Variants in ERMP1 observed in about 807,000 individuals in gnomAD.
ERMP1 encodes endoplasmic reticulum metallopeptidase 1, also known as Felix-ina.
In ERMP1, 86 loss-of-function variants were observed where a neutral mutation model predicts 92.0. The observed-to-expected ratio is 0.93, with a 90% CI of 0.79 to 1.12. The LOEUF (loss-of-function observed/expected upper bound fraction) is 1.12. ERMP1 is among the 50% of genes most tolerant of loss of function. The pLI, the probability that ERMP1 is intolerant of heterozygous loss-of-function variation, is 0.00. For synonymous variants in ERMP1, 530 were observed against 412.8 expected (o/e 1.28, Z -3.44); for missense variants, 1,342 against 1,116.3 (o/e 1.20, Z -2.88).
chr9:5,828,580 C>T (rs1209696838), intron 2 of ERMP1, among the ~76,000 whole-genome samples: 3 of 152,180 alleles, frequency 2.0e-5, no homozygotes, highest in African/African-American at 4.8e-5. Flanking sequence ...TCCTTTGTCA[C>T]TTCTCTAAAA....
At chr9:5,791,003 A>G (rs1188585701) in intron 13 of ERMP1, among the ~76,000 whole-genome samples, 1 of 152,212 alleles carries the variant, frequency 6.6e-6, no homozygotes, top group Non-Finnish European at 1.5e-5. Context: ...AAAATAAAGT[A>G]GGCAAGGGGA....
At chr9:5,804,247 A>G (rs964841081) in intron 10 of ERMP1, among the ~76,000 whole-genome samples, 1 of 152,136 alleles carries the variant, frequency 6.6e-6, no homozygotes, top group African/African-American at 2.4e-5. Context: ...ACCAAAAGAG[A>G]CCTGCATTCT....
intron 8 of ERMP1, among the ~76,000 whole-genome samples, chr9:5,809,309 C>G (rs1048212345): frequency 6.6e-6 from 1 of 152,168 alleles, no homozygotes; most frequent in African/African-American, 2.4e-5. Context: ...CGTGAGCCAC[C>G]GCGCCCGGCC....
chr9:5,835,667 G>C (rs572103221), upstream of ERMP1, among the ~76,000 whole-genome samples: 8 of 152,288 alleles, frequency 5.3e-5, no homozygotes, highest in Non-Finnish European at 7.4e-5. Flanking sequence ...AGGTGGGTAG[G>C]AGCCAGTGCA....
intron 13 of ERMP1, among the ~76,000 whole-genome samples, chr9:5,791,080 A>C (rs1828173881): frequency 6.6e-6 from 1 of 152,226 alleles, no homozygotes; most frequent in South Asian, 2.1e-4. Flanking sequence ...GGGGAAGAGT[A>C]CTCAGAAAAA....
chr9:5,838,792 A>G (rs568534193), intron 6 of ERMP1, among the ~76,000 whole-genome samples: 1 of 152,126 alleles, frequency 6.6e-6, no homozygotes, highest in Non-Finnish European at 1.5e-5. Context: ...CATTATAAAT[A>G]TTAAGAGAAA....
chr9:5,787,389 G>C (rs1827987841), intron 14 of ERMP1, 41 bp downstream of exon 14: 2 of 1,607,064 alleles, frequency 1.2e-6, no homozygotes, highest in Non-Finnish European at 1.7e-6. Context: ...TACCACCTGG[G>C]AACCTAATCA....
Position 5,833,099 on chromosome 9 carries a change from C to T in ERMP1, c.-72G>A. The T allele has an allele frequency of 7.6e-7, 1 of 1,318,486 alleles. No individual in the cohort carries two copies. Among genetic ancestry groups the T allele is most frequent in the East Asian group, 3.0e-5 (1 of 33,022 alleles). The allele number at this position is 1,318,486 out of a possible 1,614,324, so 81.7% of individuals were successfully genotyped here. A position where few individuals can be genotyped will look rare whatever the true frequency, so the allele number is the denominator to read the frequency against. ...CCCCGGCCGCCGCCGACGCCGCCGT[C>T]GCTGCCGCAGCGCCTCCTAGTGAGC... On this transcript the variant is annotated 5_prime_UTR_variant, in exon 1 of 15. Transcript: ENST00000339450.
chr9:5,861,013 T>C (rs1438067611), intron 5 of ERMP1, among the ~76,000 whole-genome samples: 1 of 152,194 alleles, frequency 6.6e-6, no homozygotes, highest in Admixed American at 6.5e-5. Context: ...TCCAGTACTA[T>C]GAGCCCATAC....
At chr9:5,831,071 T>G (rs2129692197) in intron 1 of ERMP1, 43 bp from the exon 2 acceptor site, 1 of 1,541,686 alleles carries the variant, frequency 6.5e-7, no homozygotes, top group East Asian at 2.3e-5. Flanking sequence ...TAGTTAAAAT[T>G]GACACTTAGC....
intron 13 of ERMP1, among the ~76,000 whole-genome samples, chr9:5,796,952 A>G (rs1828449410): frequency 6.6e-6 from 1 of 152,180 alleles, no homozygotes; most frequent in Admixed American, 6.5e-5. Context: ...AATGCAAGAC[A>G]TTAATAGAGG....
intron 5 of ERMP1, among the ~76,000 whole-genome samples, chr9:5,861,609 G>C (rs1830496508): frequency 6.6e-6 from 1 of 151,906 alleles, no homozygotes; most frequent in South Asian, 2.1e-4. Flanking sequence ...CTGGAAACCT[G>C]GCAAGAGACG....
chr9:5,836,138 T>G (rs780606589), upstream of ERMP1, among the ~76,000 whole-genome samples: 2 of 152,204 alleles, frequency 1.3e-5, no homozygotes, highest in Non-Finnish European at 2.9e-5. Context: ...TTGCCATCTT[T>G]TCAGTATTTC....
rs59171582 is a variant in ERMP1 at position 5,838,530 on chromosome 9, CA to C, written n.3200-5219del. The stretch of plus-strand genomic sequence containing the variant: ...TGGGCGACAGGGCAAAACCCTGTAT[CA>C]AAAAAAAAAAAGAAGAAGAAGAAGA... On this transcript the variant is annotated intron_variant and non_coding_transcript_variant, in intron 6 of 6. Transcript: ENST00000690753. Among the ~76,000 whole-genome samples the C allele has an allele frequency of 5.7e-3, 790 of 137,916 alleles. 5 individuals carry two copies. Among genetic ancestry groups the C allele is most frequent in the African/African-American group, 0.018 (650 of 35,462 alleles). The allele number at this position is 137,916 out of a possible 152,430, so 90.5% of individuals were successfully genotyped here.
chr9:5,862,974 T>C lies in ERMP1; in HGVS notation n.3056-3363A>G, dbSNP rs144929215. Among the ~76,000 whole-genome samples, 11 of 152,364 alleles carry C rather than the reference T, an allele frequency of 7.2e-5. No homozygotes were observed. The East Asian group carries it at 1.9e-3, about 27-fold the overall frequency. On this transcript the variant is annotated intron_variant and non_coding_transcript_variant, in intron 5 of 6. Coordinates refer to the ERMP1 transcript ENST00000690753. The stretch of plus-strand genomic sequence containing the variant: ...AGATTTATGTGCAAGAGGAAGAGAC[T>C]AAAACATCTGTTTGTGGTAGTGCAA...
intron 5 of ERMP1, among the ~76,000 whole-genome samples, chr9:5,866,974 G>C (rs1380182749): frequency 6.6e-6 from 1 of 152,172 alleles, no homozygotes; most frequent in Admixed American, 6.5e-5. Flanking sequence ...GGGAGGCTGA[G>C]GCAGAAGGAT....
At chr9:5,834,703 ATGTG>A (rs766269385), upstream of ERMP1, among the ~76,000 whole-genome samples, 2,233 of 122,978 alleles carry the variant, frequency 0.018, 41 homozygotes, top group African/African-American at 0.06. Context: ...GTATGTATAT[ATGTG>A]TGTGTGTGTG....
chr9:5,811,183 T>C lies in ERMP1; in HGVS notation c.1255A>G (p.Ile419Val), dbSNP rs149390224. The C allele has an allele frequency of 2.1e-4, 341 of 1,614,082 alleles. No individual in the cohort carries two copies. Among genetic ancestry groups the C allele is most frequent in the Admixed American group, 6.8e-4 (41 of 60,024 alleles). ...VIAYPSRIGS[I>V]INYMVVMGVV... ...CCCATTACCACCATGTAGTTTATGATTGAGCCAATACGAGAGGGGTAGGCA... is the reference window on the plus strand; with the variant it reads ...CCCATTACCACCATGTAGTTTATGACTGAGCCAATACGAGAGGGGTAGGCA... The change falls in exon 7 of 15, where the codon ATC becomes GTC. Residue 419 changes from isoleucine (I) to valine (V), a missense_variant. Coordinates refer to ENST00000339450, the MANE Select transcript of ERMP1 (RefSeq NM_024896.3).
At chr9:5,791,518 C>T (rs74968793) in intron 13 of ERMP1, among the ~76,000 whole-genome samples, 92 of 152,274 alleles carry the variant, frequency 6.0e-4, no homozygotes, top group African/African-American at 2.1e-3. Context: ...TACCTGGGTG[C>T]TGTGGTCTAC....
Sources: gnomAD v4.1 joint callset for allele counts (sites outside exome capture counted in the v4.1 genomes callset) on GRCh38, gnomAD v4.1.1 for gene constraint, MANE v1.5 for transcripts, NCBI Gene and HGNC (gene_info 2026-07-23, HGNC 2026-07-21) for gene names.